Variants in LY86 observed in about 807,000 individuals in gnomAD.
LY86 encodes the protein MD-1, RP105-associated.
Under a neutral mutation model 17.3 loss-of-function variants are expected in LY86, and 20 were observed. That is an observed-to-expected ratio of 1.15 (90% CI 0.81 to 1.68). The LOEUF is 1.68. Ranked by LOEUF, LY86 falls within the 40% of genes most tolerant of loss-of-function variation. The pLI is 0.00. For missense variants in LY86, 200 were observed against 191.9 expected (o/e 1.04, Z -0.25); for synonymous variants, 74 against 70.6 (o/e 1.05, Z -0.24).
At chr6:6,625,442 C>T (rs2113140804) in intron 2 of LY86, among the ~76,000 whole-genome samples, 1 of 152,320 alleles carries the variant, frequency 6.6e-6, no homozygotes, top group South Asian at 2.1e-4. Context: ...AATTCTTAAA[C>T]TTTGACATCG....
chr6:6,605,927 C>T (rs186812936), intron 1 of LY86, among the ~76,000 whole-genome samples: 38 of 152,272 alleles, frequency 2.5e-4, no homozygotes, highest in Non-Finnish European at 4.6e-4. Context: ...AGCTGCAGAC[C>T]TTCACAGTAT....
intron 1 of LY86, among the ~76,000 whole-genome samples, chr6:6,612,147 A>G (rs1761367587): frequency 6.6e-6 from 1 of 151,452 alleles, no homozygotes; most frequent in East Asian, 1.9e-4. Flanking sequence ...TAAGATTGAT[A>G]GATGTGTCCA....
At chr6:6,597,584 G>A (rs1760753933) in intron 1 of LY86, among the ~76,000 whole-genome samples, 1 of 152,188 alleles carries the variant, frequency 6.6e-6, no homozygotes, top group Admixed American at 6.5e-5. Flanking sequence ...ACACCAAGTG[G>A]GCAACAGAAG....
chr6:6,635,155 G>A (rs980382079), intron 3 of LY86, among the ~76,000 whole-genome samples: 3 of 152,162 alleles, frequency 2.0e-5, no homozygotes, highest in African/African-American at 7.2e-5. Flanking sequence ...GGAATAAGCA[G>A]CTTAACAGAA....
intron 3 of LY86, among the ~76,000 whole-genome samples, chr6:6,637,629 T>C (rs1395607326): frequency 6.6e-6 from 1 of 152,152 alleles, no homozygotes; most frequent in African/African-American, 2.4e-5. Context: ...CATCACCCAC[T>C]TGGATCCCAG....
At chr6:6,606,373 A>AT (rs1761144932) in intron 1 of LY86, among the ~76,000 whole-genome samples, 1 of 152,158 alleles carries the variant, frequency 6.6e-6, no homozygotes, top group South Asian at 2.1e-4. Context: ...AAGGTTCTCC[A>AT]AGTCCCCCCC....
intron 1 of LY86, among the ~76,000 whole-genome samples, chr6:6,605,216 T>C (rs111869776): frequency 0.014 from 2,080 of 152,314 alleles, 48 homozygotes; most frequent in African/African-American, 0.047. Flanking sequence ...GATTTCTATT[T>C]CTGCATAACA....
At chr6:6,631,072 T>G (rs1314013030) in intron 3 of LY86, among the ~76,000 whole-genome samples, 1 of 152,122 alleles carries the variant, frequency 6.6e-6, no homozygotes. Flanking sequence ...AAATTATATG[T>G]GTGACTCTCT....
chr6:6,616,817 C>T (rs1413885440), intron 1 of LY86, among the ~76,000 whole-genome samples: 1 of 152,234 alleles, frequency 6.6e-6, no homozygotes, highest in Admixed American at 6.5e-5. Flanking sequence ...TGCAGCTGTG[C>T]AGTCACGTAA....
At chr6:6,593,273 G>C (rs1760588653) in intron 1 of LY86, among the ~76,000 whole-genome samples, 1 of 152,192 alleles carries the variant, frequency 6.6e-6, no homozygotes, top group Admixed American at 6.5e-5. Flanking sequence ...TGACAGTGTA[G>C]CATCTTGCTT....
intron 1 of LY86, among the ~76,000 whole-genome samples, chr6:6,602,648 G>A (rs958386598): frequency 2.1e-4 from 32 of 152,260 alleles, no homozygotes; most frequent in African/African-American, 7.7e-4. Flanking sequence ...CCACCACTGT[G>A]GGTAACTGGG....
chr6:6,654,672 C>A lies in LY86; in HGVS notation c.*45C>A. 1.3e-6 allele frequency: 2 copies of A among 1,496,834 alleles called. No individual in the cohort carries two copies. Among genetic ancestry groups the A allele is most frequent in the Non-Finnish European group, 1.9e-6 (2 of 1,074,364 alleles). The allele number at this position is 1,496,834 out of a possible 1,614,324, so 92.7% of individuals were successfully genotyped here. A position where few individuals can be genotyped will look rare whatever the true frequency, so the allele number is the denominator to read the frequency against. ...TCACAGCCAGCTGCATCTCGTGGGACCTCCAAGCTCCTCTGACTGAACCTA... is the reference window on the plus strand; with the variant it reads ...TCACAGCCAGCTGCATCTCGTGGGAACTCCAAGCTCCTCTGACTGAACCTA... On this transcript the variant is annotated 3_prime_UTR_variant, in exon 5 of 5. Coordinates refer to ENST00000230568, the MANE Select transcript of LY86 (RefSeq NM_004271.4).
intron 1 of LY86, among the ~76,000 whole-genome samples, chr6:6,605,722 G>A (rs1273358304): frequency 6.6e-6 from 1 of 152,218 alleles, no homozygotes; most frequent in Non-Finnish European, 1.5e-5. Context: ...CTCGCGGTGA[G>A]TGTTACAGTT....
chr6:6,650,580 G>A (rs911406680), intron 4 of LY86, among the ~76,000 whole-genome samples: 5 of 152,046 alleles, frequency 3.3e-5, no homozygotes, highest in Admixed American at 6.6e-5. Flanking sequence ...TGATCCACCC[G>A]CCTCGGCCTC....
rs538138813 is a variant in LY86, at chr6:6,654,738, C to T, written c.*111C>T. On this transcript the variant is annotated 3_prime_UTR_variant, in exon 5 of 5. Transcript: ENST00000230568. The stretch of plus-strand genomic sequence containing the variant: ...CAGCTGATGACAGAGAGAGGCTCTA[C>T]AAAGAAGCGCCCCCAAAGAGTGCAG... The T allele has an allele frequency of 9.2e-5, 80 of 871,426 alleles. No individual in the cohort carries two copies. The highest frequency in any genetic ancestry group is 1.4e-4 in the Non-Finnish European group (74 of 545,882). 54.0% of individuals were successfully genotyped at this position (871,426 alleles called of 1,614,324 possible).
intron 1 of LY86, among the ~76,000 whole-genome samples, chr6:6,613,565 C>T (rs1761460624): frequency 6.6e-6 from 1 of 152,188 alleles, no homozygotes; most frequent in African/African-American, 2.4e-5. Flanking sequence ...GATCCCACGC[C>T]CACCGGGAAC....
chr6:6,612,368 T>G (rs1048839037), intron 1 of LY86, among the ~76,000 whole-genome samples: 1 of 152,238 alleles, frequency 6.6e-6, no homozygotes, highest in African/African-American at 2.4e-5. Flanking sequence ...GTGATACATT[T>G]GGAGTGTTAA....
At chr6:6,647,094 G>T (rs1480207162) in intron 3 of LY86, among the ~76,000 whole-genome samples, 2 of 152,172 alleles carry the variant, frequency 1.3e-5, no homozygotes, top group African/African-American at 4.8e-5. Context: ...AAAGTAATCA[G>T]TCAGGAGCCC....
At chr6:6,605,803 G>A (rs1023833811) in intron 1 of LY86, among the ~76,000 whole-genome samples, 1 of 152,056 alleles carries the variant, frequency 6.6e-6, no homozygotes, top group African/African-American at 2.4e-5. Flanking sequence ...CCTTTTGGTG[G>A]GGTTCGTGGT....
Sources: allele counts gnomAD v4.1 joint callset (sites outside exome capture counted in the v4.1 genomes callset), GRCh38; gene constraint gnomAD v4.1.1; transcripts MANE v1.5; gene names NCBI Gene and HGNC (gene_info 2026-07-23, HGNC 2026-07-21).